The following CNGB1 variants were observed in gnomAD, a reference collection of about 807,000 sequenced individuals.
The protein encoded by CNGB1 is cyclic nucleotide-gated channel beta-1.
CNGB1 carries 126 observed loss-of-function variants against 151.7 expected under a neutral mutation model. The ratio of observed to expected loss-of-function variants is 0.83; its 90% CI spans 0.72 to 0.96. The LOEUF is 0.96. CNGB1 is among the 40% of genes least tolerant of loss of function. The pLI, the probability that CNGB1 is intolerant of heterozygous loss-of-function variation, is 0.00. For synonymous variants in CNGB1, 623 were observed against 635.1 expected (o/e 0.98, Z 0.29); for missense variants, 1,698 against 1,627.0 (o/e 1.04, Z -0.75).
At chr16:57,904,939 C>G in intron 25 of CNGB1, 64 bp from the exon 26 acceptor site, 2 of 1,598,336 alleles carry the variant, frequency 1.3e-6, no homozygotes, top group Non-Finnish European at 1.7e-6. Context: ...CCCGAGCAGT[C>G]TGGCTCAGAC....
Position 57,967,307 on chromosome 16 carries a change from G to C in CNGB1, c.-8-13C>G, listed in dbSNP as rs778845044. 6.2e-7 allele frequency: 1 copy of C among 1,614,130 alleles called. No homozygotes were observed. Among genetic ancestry groups the C allele is most frequent in the South Asian group, 1.1e-5 (1 of 91,080 alleles). ...AACATCCTGATGCCTGTAGGAGACA[G>C]AGTCCTTAGCCCTCCCTGGAGCACT... On this transcript the variant is annotated splice_polypyrimidine_tract_variant and intron_variant, in intron 1 of 32. Coordinates refer to ENST00000251102, the MANE Select transcript of CNGB1 (RefSeq NM_001297.5).
In CNGB1 at chr16:57,931,812, A is replaced by T; in HGVS notation, c.1439T>A (p.Met480Lys). Reference protein sequence around the residue: ...EDTDADSCPLMAEENPPSTVL... With the variant: ...EDTDADSCPLKAEENPPSTVL... ...GGTTGAGGGTGGATTCTCTTCTGCCATGAGGGGGCAGCTATCAGCATCAGT... is the reference window on the plus strand; with the variant it reads ...GGTTGAGGGTGGATTCTCTTCTGCCTTGAGGGGGCAGCTATCAGCATCAGT... The change falls in exon 17 of 33, where the codon ATG (methionine) becomes AAG (lysine). Residue 480 changes from methionine to lysine, a missense_variant. Met to Lys is a moderately conservative substitution (Grantham distance 95, BLOSUM62 -1). Transcript: ENST00000251102. The T allele has an allele frequency of 6.2e-7, 1 of 1,614,134 alleles. No homozygotes were observed. The highest frequency in any genetic ancestry group is 8.5e-7 in the Non-Finnish European group (1 of 1,180,014).
chr16:57,952,486 G>A (rs1188006113), intron 12 of CNGB1, among the ~76,000 whole-genome samples: 1 of 134,278 alleles, frequency 7.4e-6, no homozygotes, highest in Non-Finnish European at 1.6e-5. Context: ...TGTTTTACAA[G>A]CATTTCCTTT....
chr16:57,883,923 T>C lies in CNGB1; in HGVS notation c.*241A>G. The C allele has an allele frequency of 1.7e-6, 1 of 599,592 alleles. No individual in the cohort carries two copies. The highest frequency in any genetic ancestry group is 3.0e-6 in the Non-Finnish European group (1 of 335,196). The allele number at this position is 599,592 out of a possible 1,614,324, so 37.1% of individuals were successfully genotyped here. A position where few individuals can be genotyped will look rare whatever the true frequency, so the allele number is the denominator to read the frequency against. On this transcript the variant is annotated 3_prime_UTR_variant, in exon 33 of 33. Transcript: ENST00000251102. ...AAAAGGTAGGGCTCTCAAATGATAG[T>C]GAGAGCTCAGGGACTCGAACACTTG... is the stretch of plus-strand genomic sequence containing the variant.
At chr16:57,944,405 G>A (rs1961750202) in intron 14 of CNGB1, among the ~76,000 whole-genome samples, 1 of 152,168 alleles carries the variant, frequency 6.6e-6, no homozygotes, top group African/African-American at 2.4e-5. Flanking sequence ...GGAGATAGAT[G>A]TTGGTTAAAG....
intron 18 of CNGB1, among the ~76,000 whole-genome samples, chr16:57,922,093 T>G (rs1286990965): frequency 6.6e-6 from 1 of 152,206 alleles, no homozygotes; most frequent in Non-Finnish European, 1.5e-5. Context: ...AGTGGGCAAC[T>G]GGACTGAGGG....
At chr16:57,955,657 G>A (rs1441182585) in intron 12 of CNGB1, among the ~76,000 whole-genome samples, 3 of 152,278 alleles carry the variant, frequency 2.0e-5, no homozygotes, top group Non-Finnish European at 2.9e-5. Flanking sequence ...GATTGAGGGT[G>A]GGCCCTAAAT....
intron 14 of CNGB1, among the ~76,000 whole-genome samples, chr16:57,945,872 G>T (rs1961793929): frequency 6.6e-6 from 1 of 152,220 alleles, no homozygotes; most frequent in South Asian, 2.1e-4. Context: ...CCCAGAGGAG[G>T]CGGTGATCTG....
chr16:57,930,855 C>A (rs1468538108), intron 17 of CNGB1, among the ~76,000 whole-genome samples: 1 of 151,936 alleles, frequency 6.6e-6, no homozygotes, highest in Non-Finnish European at 1.5e-5. Flanking sequence ...GCTGCCGGGG[C>A]TGGGGTGGGG....
chr16:57,961,029 G>T, intron 7 of CNGB1, 114 bp from the exon 8 acceptor site: 1 of 905,668 alleles, frequency 1.1e-6, no homozygotes. Context: ...ATCCTGTTCT[G>T]CACAGTGGGG....
chr16:57,945,653 G>A lies in CNGB1; in HGVS notation c.1121+3700C>T, dbSNP rs1192610547. Among the ~76,000 whole-genome samples, 3 of 152,254 alleles carry A rather than the reference G, an allele frequency of 2.0e-5. No homozygotes were observed. The South Asian group carries it at 6.2e-4, about 31-fold the overall frequency. On this transcript the variant is annotated intron_variant, in intron 14 of 32. Transcript: ENST00000251102. ...GATTCTTCATCACTAAACATTGGGA[G>A]CAGCTTTCCTTGTCTGTAATGCCAA...
At chr16:57,938,180 A>G (rs1361421408) in intron 16 of CNGB1, among the ~76,000 whole-genome samples, 1 of 152,100 alleles carries the variant, frequency 6.6e-6, no homozygotes, top group Non-Finnish European at 1.5e-5. Flanking sequence ...CTGCTTCCAA[A>G]TCACCTGGGA....
chr16:57,962,905 G>GAGCC, intron 5 of CNGB1, 33 bp from the exon 6 acceptor site: 1 of 1,612,218 alleles, frequency 6.2e-7, no homozygotes, highest in East Asian at 2.2e-5. Context: ...CATGGGCAGG[G>GAGCC]AGCCCAAGGG....
chr16:57,907,873 G>T (rs1406059709), intron 25 of CNGB1, among the ~76,000 whole-genome samples: 2 of 152,076 alleles, frequency 1.3e-5, no homozygotes, highest in Admixed American at 6.6e-5. Flanking sequence ...CTCCTCTCCT[G>T]CCTGCCTGGG....
chr16:57,942,772 A>C (rs1382354079), intron 14 of CNGB1, among the ~76,000 whole-genome samples: 1 of 151,272 alleles, frequency 6.6e-6, no homozygotes, highest in Non-Finnish European at 1.5e-5. Flanking sequence ...CTGAGGTGGG[A>C]GGATTGCTTG....
At chr16:57,894,558 AC>A (rs1960173657) in intron 31 of CNGB1, among the ~76,000 whole-genome samples, 1 of 152,150 alleles carries the variant, frequency 6.6e-6, no homozygotes, top group African/African-American at 2.4e-5. Flanking sequence ...CCAAGACCTA[AC>A]CACTGCACTC....
intron 17 of CNGB1, among the ~76,000 whole-genome samples, chr16:57,930,754 A>G (rs1416850484): frequency 6.6e-6 from 1 of 152,212 alleles, no homozygotes; most frequent in Non-Finnish European, 1.5e-5. Context: ...TAGTCCCAAA[A>G]AGATAAATAT....
intron 19 of CNGB1, 42 bp downstream of exon 19, chr16:57,920,345 C>T: frequency 6.2e-7 from 1 of 1,611,620 alleles, no homozygotes. Flanking sequence ...GAGGCCCCAC[C>T]CCATCCCCAT....
Position 57,950,455 on chromosome 16 carries a change from G to A in CNGB1, c.960C>T (p.Val320=). The part of the protein sequence containing the change: ...EPPWEDAHQD[V]STSPQGTEVV... ...CCTCTGTACCCTGTGGGCTGGTACT[G>A]ACATCCTGGTGGGCATCCTCCCAGG... is the stretch of plus-strand genomic sequence containing the variant. The change falls in exon 13 of 33, where the codon GTC becomes GTT. Residue 320 remains valine (V), a synonymous_variant. Coordinates refer to ENST00000251102, the MANE Select transcript of CNGB1 (RefSeq NM_001297.5). 1 of 1,614,210 alleles carries A rather than the reference G, an allele frequency of 6.2e-7. No individual in the cohort carries two copies. Among genetic ancestry groups the A allele is most frequent in the Non-Finnish European group, 8.5e-7 (1 of 1,180,038 alleles).
Sources: allele counts gnomAD v4.1 joint callset (sites outside exome capture counted in the v4.1 genomes callset), GRCh38; gene constraint gnomAD v4.1.1; transcripts MANE v1.5; gene names NCBI Gene and HGNC (gene_info 2026-07-23, HGNC 2026-07-21).